Variants in GALNT18 observed in about 807,000 individuals in gnomAD.
GALNT18 encodes the protein GalNAc-transferase 18.
GALNT18 carries 44 observed loss-of-function variants against 69.5 expected under a neutral mutation model. The ratio of observed to expected loss-of-function variants is 0.63; its 90% CI spans 0.50 to 0.81. The LOEUF (loss-of-function observed/expected upper bound fraction) is 0.81, where lower values mean the gene tolerates loss of function less well. Ranked by LOEUF, GALNT18 falls within the 40% of genes least tolerant of loss-of-function variation. The pLI is 0.00. For missense variants in GALNT18, 715 were observed against 810.0 expected, an observed-to-expected ratio of 0.88 and a Z score of 1.42; for synonymous variants, 364 against 318.2, an observed-to-expected ratio of 1.14 and a Z score of -1.53.
intron 3 of GALNT18, among the ~76,000 whole-genome samples, chr11:11,418,511 C>T (rs1432589484): frequency 6.6e-6 from 1 of 152,178 alleles, no homozygotes. Flanking sequence ...AGTTCAAATG[C>T]CAGCTTTTCC....
intron 3 of GALNT18, among the ~76,000 whole-genome samples, chr11:11,409,629 A>G (rs1239163357): frequency 1.6e-5 from 2 of 127,230 alleles, no homozygotes. Context: ...CTCCCCAGTC[A>G]CTAGAGGCAG....
Position 11,480,782 on chromosome 11 carries a change from G to C in GALNT18, c.236-31846C>G, listed in dbSNP as rs1856510151. ...CTCTACAGAACCCTAGTTCCGTGCAGAGTTATTAAGTGCTATGTGATAGAA... is the reference window on the plus strand; with the variant it reads ...CTCTACAGAACCCTAGTTCCGTGCACAGTTATTAAGTGCTATGTGATAGAA... On this transcript the variant is annotated intron_variant, in intron 1 of 10. Transcript: ENST00000227756. The surrounding 1 kb of genome is among the most constrained non-coding windows in gnomAD (Gnocchi z 4.6). 6.6e-6 allele frequency among the ~76,000 whole-genome samples: 1 copy of C among 152,194 alleles called. No individual in the cohort carries two copies. The highest frequency in any genetic ancestry group is 1.5e-5 in the Non-Finnish European group (1 of 68,040).
Position 11,447,643 on chromosome 11 carries a change from A to T in GALNT18, c.428+1101T>A, listed in dbSNP as rs140123026. Among the ~76,000 whole-genome samples, 348 of 152,252 alleles carry T rather than the reference A, an allele frequency of 2.3e-3. 3 individuals are homozygous for T. The highest frequency in any genetic ancestry group is 7.7e-3 in the African/African-American group (318 of 41,530). ...GAAACTTACAATCATGGTGGAAGGC[A>T]CCTCCTCACAGGGTGGCAGGAGAGA... On this transcript the variant is annotated intron_variant, in intron 2 of 10. Coordinates refer to ENST00000227756, the MANE Select transcript of GALNT18 (RefSeq NM_198516.3).
intron 3 of GALNT18, among the ~76,000 whole-genome samples, chr11:11,392,850 G>A (rs1854227703): frequency 6.6e-6 from 1 of 152,132 alleles, no homozygotes; most frequent in African/African-American, 2.4e-5. Context: ...ATAAGGAAAT[G>A]GAGGCTCAGC....
At position 11,310,528 on chromosome 11, in the gene GALNT18, C is replaced by T. The variant is rs1033964456; in HGVS notation, c.1512+16558G>A. 4.6e-5 allele frequency among the ~76,000 whole-genome samples: 7 copies of T among 152,278 alleles called. No individual in the cohort carries two copies. In the South Asian group the frequency reaches 1.5e-3, roughly 32 times the overall value. On this transcript the variant is annotated intron_variant, in intron 9 of 10. Transcript: ENST00000227756. Reference sequence around the variant, plus strand: ...CAAGACCAGCAAGTCCTTTTTCCTGCAGAAAAAATTGTTATAAAATTTTTC... The same window carrying T: ...CAAGACCAGCAAGTCCTTTTTCCTGTAGAAAAAATTGTTATAAAATTTTTC...
intron 1 of GALNT18, among the ~76,000 whole-genome samples, chr11:11,501,078 A>C (rs968099530): frequency 6.6e-6 from 1 of 152,236 alleles, no homozygotes; most frequent in Admixed American, 6.5e-5. Context: ...TTCCACTCAC[A>C]GAGATAAAAA....
chr11:11,358,024 A>G (rs1279409791), intron 6 of GALNT18, among the ~76,000 whole-genome samples: 4 of 152,106 alleles, frequency 2.6e-5, no homozygotes, highest in African/African-American at 9.7e-5. Context: ...TACAGCTCCT[A>G]TCTTTCTGGC....
intron 5 of GALNT18, among the ~76,000 whole-genome samples, chr11:11,374,771 C>T (rs774428880): frequency 2.0e-5 from 3 of 152,192 alleles, no homozygotes; most frequent in Admixed American, 6.5e-5. Flanking sequence ...ACATAGAGAA[C>T]CATAAATAGA....
intron 8 of GALNT18, among the ~76,000 whole-genome samples, chr11:11,330,908 C>T (rs893111447): frequency 1.3e-5 from 2 of 152,220 alleles, no homozygotes; most frequent in Non-Finnish European, 1.5e-5. Flanking sequence ...TGCTCAGCCA[C>T]AGCTGACAGC....
At chr11:11,460,103 A>T (rs1333774264) in intron 1 of GALNT18, among the ~76,000 whole-genome samples, 1 of 152,158 alleles carries the variant, frequency 6.6e-6, no homozygotes, top group African/African-American at 2.4e-5. Context: ...TGCGTTAGGC[A>T]CACCTGGGCA....
At chr11:11,300,823 G>T (rs2133016557) in intron 9 of GALNT18, among the ~76,000 whole-genome samples, 1 of 152,340 alleles carries the variant, frequency 6.6e-6, no homozygotes, top group East Asian at 1.9e-4. Context: ...ATAAACCACA[G>T]TCTCAGGGAC....
chr11:11,559,267 T>C (rs1858406265), intron 1 of GALNT18, among the ~76,000 whole-genome samples: 1 of 152,202 alleles, frequency 6.6e-6, no homozygotes, highest in Admixed American at 6.5e-5. Flanking sequence ...CCCTCCACTG[T>C]CACATTCTCC....
intron 3 of GALNT18, among the ~76,000 whole-genome samples, chr11:11,414,179 C>T (rs1257241759): frequency 2.0e-5 from 3 of 152,200 alleles, no homozygotes; most frequent in Non-Finnish European, 4.4e-5. Flanking sequence ...TCGCAACAGC[C>T]TCCCAGATGA....
chr11:11,302,538 C>T (rs1325750479), intron 9 of GALNT18, among the ~76,000 whole-genome samples: 1 of 152,140 alleles, frequency 6.6e-6, no homozygotes, highest in Non-Finnish European at 1.5e-5. Flanking sequence ...CAGCAAAGTG[C>T]CTTGACACAG....
rs1290505754 is a variant in GALNT18 at position 11,500,902 on chromosome 11, G to A, written c.236-51966C>T. On this transcript the variant is annotated intron_variant, in intron 1 of 10. Coordinates refer to ENST00000227756, the MANE Select transcript of GALNT18 (RefSeq NM_198516.3). This position sits in a 1 kb window ranked among gnomAD's most constrained non-coding sequence, Gnocchi z 5.0. ...CAGAGCCGTGCTGAGCGGGCAGCCAGGTGCACAGCAGGGATGCACCTCAGG... is the reference window on the plus strand; with the variant it reads ...CAGAGCCGTGCTGAGCGGGCAGCCAAGTGCACAGCAGGGATGCACCTCAGG... Among the ~76,000 whole-genome samples the A allele has an allele frequency of 6.6e-6, 1 of 152,178 alleles. No homozygotes were observed.
At position 11,620,206 on chromosome 11, in the gene GALNT18, C is replaced by G. The variant is rs1248531556; in HGVS notation, c.235+1153G>C. Among the ~76,000 whole-genome samples the G allele has an allele frequency of 6.6e-6, 1 of 152,102 alleles. No homozygotes were observed. The highest frequency in any genetic ancestry group is 1.9e-4 in the East Asian group (1 of 5,174). On this transcript the variant is annotated intron_variant, in intron 1 of 10. Transcript: ENST00000227756. This position sits in a 1 kb window ranked among gnomAD's most constrained non-coding sequence, Gnocchi z 6.9. ...GTCTGCCATGCACTGGCCCCTGAGC[C>G]TGGTGGGCCTGCTAGGTTTACAGGG...
chr11:11,303,073 C>T (rs1849524752), intron 9 of GALNT18, among the ~76,000 whole-genome samples: 1 of 152,278 alleles, frequency 6.6e-6, no homozygotes, highest in South Asian at 2.1e-4. Context: ...AGTGCCTCAC[C>T]CATGCATCTG....
rs1250508539 is a variant in GALNT18, at chr11:11,396,711, G to T, written c.596-17447C>A. Among the ~76,000 whole-genome samples the T allele has an allele frequency of 6.6e-6, 1 of 152,186 alleles. No individual in the cohort carries two copies. Among genetic ancestry groups the T allele is most frequent in the Non-Finnish European group, 1.5e-5 (1 of 68,022 alleles). On this transcript the variant is annotated intron_variant, in intron 3 of 10. Coordinates refer to ENST00000227756, the MANE Select transcript of GALNT18 (RefSeq NM_198516.3). The surrounding 1 kb of genome is among the most constrained non-coding windows in gnomAD (Gnocchi z 5.2). Reference sequence around the variant, plus strand: ...AGTGTTTGGTGAGGTCAAAAGGGAAGAAGAACAGAGGTGAGAGCTCTGGAT... The same window carrying T: ...AGTGTTTGGTGAGGTCAAAAGGGAATAAGAACAGAGGTGAGAGCTCTGGAT...
At chr11:11,307,516 A>G (rs1849599498) in intron 9 of GALNT18, among the ~76,000 whole-genome samples, 2 of 152,332 alleles carry the variant, frequency 1.3e-5, no homozygotes, top group South Asian at 4.1e-4. Context: ...TTTGCTATCA[A>G]ACAGGAAAAC....
Sources: gnomAD v4.1 joint callset for allele counts (sites outside exome capture counted in the v4.1 genomes callset) on GRCh38, gnomAD v4.1.1 for gene constraint, Gnocchi (gnomAD v3.1) non-coding constraint, MANE v1.5 for transcripts, NCBI Gene and HGNC (gene_info 2026-07-23, HGNC 2026-07-21) for gene names.